The following DGKI variants were observed in gnomAD, a reference collection of about 807,000 sequenced individuals.
DGKI encodes diacylglycerol kinase iota, also known as DAG kinase iota.
A neutral mutation model predicts 147.5 loss-of-function variants in DGKI; 55 were observed. The observed-to-expected ratio is 0.37, with a 90% CI of 0.30 to 0.47. The LOEUF (loss-of-function observed/expected upper bound fraction) is 0.47, where lower values mean the gene tolerates loss of function less well. Ranked by LOEUF, DGKI falls within the 20% of genes least tolerant of loss-of-function variation. DGKI has a pLI of 1.00. For missense variants in DGKI, 1,007 were observed against 1,323.8 expected (o/e 0.76, Z 3.71); for synonymous variants, 469 against 477.1 (o/e 0.98, Z 0.22).
chr7:137,493,093 C>T (rs1815829647), intron 21 of DGKI, among the ~76,000 whole-genome samples: 1 of 152,172 alleles, frequency 6.6e-6, no homozygotes, highest in African/African-American at 2.4e-5. Context: ...GTATCTACGA[C>T]CCACTGTGCC....
chr7:137,552,455 G>A lies in DGKI; in HGVS notation c.2061C>T (p.Ala687=), dbSNP rs764988118. ...TCAGGGAGATCCGAATCATAGCTGG[G>A]GCCAACCTACAGGGCTCCCCATCCA... ...MQVDGEPCRL[A]PAMIRISLRN... Residue 687 remains alanine, a synonymous_variant, in exon 20 of 33, where the codon GCC becomes GCT. Transcript: ENST00000614521. 1 of 1,614,072 alleles carries A rather than the reference G, an allele frequency of 6.2e-7. No individual in the cohort carries two copies. Among genetic ancestry groups the A allele is most frequent in the South Asian group, 1.1e-5 (1 of 91,070 alleles).
chr7:137,490,550 C>A (rs1470329240), intron 21 of DGKI, among the ~76,000 whole-genome samples: 1 of 152,198 alleles, frequency 6.6e-6, no homozygotes, highest in Non-Finnish European at 1.5e-5. Context: ...TAAAAACTAA[C>A]TTCTACTCTT....
chr7:137,516,809 T>C (rs1471828304), intron 21 of DGKI, among the ~76,000 whole-genome samples: 1 of 152,044 alleles, frequency 6.6e-6, no homozygotes, highest in African/African-American at 2.4e-5. Context: ...AGTTAACAAA[T>C]TCAGTTGAGC....
intron 21 of DGKI, among the ~76,000 whole-genome samples, chr7:137,518,181 T>C (rs1291725416): frequency 2.0e-5 from 3 of 152,110 alleles, no homozygotes; most frequent in Non-Finnish European, 4.4e-5. Context: ...AGCACACTAA[T>C]GTGCCAGACT....
At chr7:137,565,226 T>C (rs937965118) in intron 19 of DGKI, among the ~76,000 whole-genome samples, 1 of 152,146 alleles carries the variant, frequency 6.6e-6, no homozygotes, top group Non-Finnish European at 1.5e-5. Context: ...AATTAGGCTA[T>C]ATTTATACAA....
intron 1 of DGKI, among the ~76,000 whole-genome samples, chr7:137,839,073 A>C (rs1025274689): frequency 5.9e-5 from 9 of 151,774 alleles, no homozygotes; most frequent in African/African-American, 2.2e-4. Context: ...CCTCTCACCC[A>C]CCCCTCCACG....
intron 5 of DGKI, among the ~76,000 whole-genome samples, chr7:137,650,313 A>G (rs994186412): frequency 6.6e-6 from 1 of 152,200 alleles, no homozygotes; most frequent in Non-Finnish European, 1.5e-5. Context: ...AATTTACACT[A>G]AAGAAGGGAG....
In DGKI at chr7:137,471,446, T is replaced by A. The variant is rs571231349; in HGVS notation, c.2374-1827A>T. On this transcript the variant is annotated intron_variant, in intron 23 of 32. Coordinates refer to ENST00000614521, the MANE Select transcript of DGKI (RefSeq NM_001321708.2). ...TTGTACTGACTTTCCTGGGAGTTAA[T>A]CAACACTCCCTGCTGCCCTACTTGA... 3.3e-5 allele frequency among the ~76,000 whole-genome samples: 5 copies of A among 152,264 alleles called. No homozygotes were observed. The South Asian group carries it at 1.0e-3, about 32-fold the overall frequency.
At chr7:137,696,431 CTTTTTTTTTTTTT>C (rs10609322) in intron 1 of DGKI, among the ~76,000 whole-genome samples, 13 of 36,696 alleles carry the variant, frequency 3.5e-4, no homozygotes, top group African/African-American at 5.6e-4. Context: ...GCCCAAAAGA[CTTTTTTTTTTTTT>C]TTTTTTTTTT....
At chr7:137,724,980 A>C (rs1794678655) in intron 1 of DGKI, among the ~76,000 whole-genome samples, 1 of 152,156 alleles carries the variant, frequency 6.6e-6, no homozygotes, top group Admixed American at 6.5e-5. Flanking sequence ...AAAAAGACTA[A>C]AAAGAAGCAG....
At chr7:137,801,613 T>C (rs892130758) in intron 1 of DGKI, among the ~76,000 whole-genome samples, 3 of 152,200 alleles carry the variant, frequency 2.0e-5, no homozygotes, top group African/African-American at 7.2e-5. Context: ...TCACTCTCTC[T>C]GCCATCTGCT....
chr7:137,507,546 G>T lies in DGKI; in HGVS notation c.2248+14320C>A, dbSNP rs973131718. Among the ~76,000 whole-genome samples the T allele has an allele frequency of 3.9e-5, 6 of 152,088 alleles. No homozygotes were observed. In the East Asian group the frequency reaches 1.2e-3, roughly 29 times the overall value. ...TGATAATCTTGAAGAGCAACTCATG[G>T]TTTCTATCTTCATTAATTTGGTAAA... is the stretch of plus-strand genomic sequence containing the variant. On this transcript the variant is annotated intron_variant, in intron 21 of 32. Coordinates refer to ENST00000614521, the MANE Select transcript of DGKI (RefSeq NM_001321708.2).
chr7:137,677,589 C>T (rs1172641063), intron 3 of DGKI, among the ~76,000 whole-genome samples: 1 of 152,156 alleles, frequency 6.6e-6, no homozygotes, highest in East Asian at 1.9e-4. Flanking sequence ...TCGTTGGGGG[C>T]TATACATATC....
chr7:137,746,757 G>C (rs963680205), intron 1 of DGKI, among the ~76,000 whole-genome samples: 3 of 151,968 alleles, frequency 2.0e-5, no homozygotes, highest in Admixed American at 2.0e-4. Flanking sequence ...CCTGGTATCA[G>C]GTGTAAGCTG....
chr7:137,693,116 G>A (rs1158856872), intron 1 of DGKI, among the ~76,000 whole-genome samples: 2 of 152,106 alleles, frequency 1.3e-5, no homozygotes, highest in African/African-American at 2.4e-5. Context: ...ATATAAGTTA[G>A]CGAAAGTTAT....
At chr7:137,666,027 A>G (rs565503140) in intron 3 of DGKI, among the ~76,000 whole-genome samples, 4 of 152,360 alleles carry the variant, frequency 2.6e-5, no homozygotes, top group Admixed American at 2.0e-4. Context: ...TGATACATCC[A>G]TCGTGTTTTG....
intron 20 of DGKI, among the ~76,000 whole-genome samples, chr7:137,537,353 C>G (rs907337195): frequency 6.6e-6 from 1 of 152,144 alleles, no homozygotes; most frequent in Admixed American, 6.6e-5. Context: ...TTAAATTCTA[C>G]GAATGTAGCA....
intron 1 of DGKI, among the ~76,000 whole-genome samples, chr7:137,735,149 T>C (rs1419378489): frequency 1.3e-5 from 2 of 152,096 alleles, no homozygotes; most frequent in African/African-American, 4.8e-5. Context: ...GTCTGTCCCA[T>C]TTAACACCCT....
intron 1 of DGKI, among the ~76,000 whole-genome samples, chr7:137,696,669 A>G (rs1823799511): frequency 6.6e-6 from 1 of 152,068 alleles, no homozygotes; most frequent in African/African-American, 2.4e-5. Context: ...AGAGTTAATG[A>G]CATTCTTCTC....
Sources: allele counts gnomAD v4.1 joint callset (sites outside exome capture counted in the v4.1 genomes callset), GRCh38; gene constraint gnomAD v4.1.1; transcripts MANE v1.5; gene names NCBI Gene and HGNC (gene_info 2026-07-23, HGNC 2026-07-21).